OSBPL10: variants seen among roughly 807,000 people sequenced by gnomAD.
The protein encoded by OSBPL10 is oxysterol binding protein like 10, also known as oxysterol-binding protein-related protein 10.
A neutral mutation model predicts 81.7 loss-of-function variants in OSBPL10; 49 were observed. That is an observed-to-expected ratio of 0.60 (90% CI 0.48 to 0.76). OSBPL10 has a LOEUF of 0.76. Ranked by LOEUF, OSBPL10 falls within the 30% of genes least tolerant of loss-of-function variation. OSBPL10 has a pLI of 0.00. For missense variants in OSBPL10, 923 were observed against 987.8 expected (o/e 0.93, Z 0.88); for synonymous variants, 419 against 383.6 (o/e 1.09, Z -1.08).
chr3:32,011,565 C>T (rs1014029214), intron 2 of OSBPL10, among the ~76,000 whole-genome samples: 2 of 152,198 alleles, frequency 1.3e-5, no homozygotes, highest in Non-Finnish European at 2.9e-5. Flanking sequence ...CAGCTCCTCA[C>T]CAGCAATGGA....
chr3:31,960,735 C>T (rs1177607144), intron 1 of OSBPL10, among the ~76,000 whole-genome samples: 1 of 152,146 alleles, frequency 6.6e-6, no homozygotes, highest in African/African-American at 2.4e-5. Context: ...AGAGACTGTG[C>T]AACCCACTTC....
At chr3:31,733,838 A>T (rs1450021774) in intron 5 of OSBPL10, among the ~76,000 whole-genome samples, 1 of 151,618 alleles carries the variant, frequency 6.6e-6, no homozygotes, top group Non-Finnish European at 1.5e-5. Context: ...GTGAAACTCC[A>T]TCTCTACTAA....
intron 7 of OSBPL10, among the ~76,000 whole-genome samples, chr3:31,692,562 T>A (rs1205951007): frequency 6.8e-6 from 1 of 146,542 alleles, no homozygotes; most frequent in African/African-American, 2.7e-5. Flanking sequence ...CTGTAAACAA[T>A]CAGTCACCTG....
At chr3:31,918,282 GA>G (rs1261845687) in intron 1 of OSBPL10, among the ~76,000 whole-genome samples, 1 of 150,758 alleles carries the variant, frequency 6.6e-6, no homozygotes, top group Non-Finnish European at 1.5e-5. Context: ...CCCTGAAAGT[GA>G]AACAAAAACA....
intron 2 of OSBPL10, chr3:32,030,454 A>G (rs902532403): frequency 1.5e-6 from 1 of 686,178 alleles, no homozygotes; most frequent in African/African-American, 1.8e-5. Context: ...GATTCTTGCC[A>G]AGAGAATTAA....
Position 31,927,977 on chromosome 3 carries a change from G to T in OSBPL10, c.282-48147C>A, listed in dbSNP as rs1212416008. ...AGGTAAGGAGTAAGAAATAAAAAAG[G>T]CCCGAAAAGGATAGGTTGCATGGAG... On this transcript the variant is annotated intron_variant, in intron 1 of 11. Coordinates refer to ENST00000396556, the MANE Select transcript of OSBPL10 (RefSeq NM_017784.5). 2.6e-5 allele frequency among the ~76,000 whole-genome samples: 4 copies of T among 152,124 alleles called. No individual in the cohort carries two copies. In the East Asian group the frequency reaches 7.7e-4, roughly 29 times the overall value.
intron 5 of OSBPL10, among the ~76,000 whole-genome samples, chr3:31,734,333 A>G (rs1414477825): frequency 1.3e-5 from 2 of 152,158 alleles, no homozygotes; most frequent in East Asian, 3.9e-4. Context: ...CTTTTACTCT[A>G]ATTTTTTTTA....
At chr3:31,844,591 T>TA (rs1216677219) in intron 3 of OSBPL10, among the ~76,000 whole-genome samples, 1 of 152,172 alleles carries the variant, frequency 6.6e-6, no homozygotes. Context: ...ATAATCAGAA[T>TA]AGTAAATCCA....
intron 6 of OSBPL10, among the ~76,000 whole-genome samples, chr3:31,716,116 A>C (rs1341188623): frequency 6.6e-6 from 1 of 152,166 alleles, no homozygotes; most frequent in Non-Finnish European, 1.5e-5. Context: ...GAATAGAAAT[A>C]CAAGTCTAGG....
chr3:31,717,690 CA>C (rs1696488873), intron 6 of OSBPL10, among the ~76,000 whole-genome samples: 1 of 152,172 alleles, frequency 6.6e-6, no homozygotes, highest in South Asian at 2.1e-4. Context: ...CACAGTGACA[CA>C]GGATATTAAA....
intron 8 of OSBPL10, among the ~76,000 whole-genome samples, chr3:31,681,517 C>T (rs1700641120): frequency 6.6e-6 from 1 of 152,218 alleles, no homozygotes; most frequent in Non-Finnish European, 1.5e-5. Flanking sequence ...ACTCCACTGA[C>T]AACTGCTGTC....
At chr3:31,824,098 G>A (rs542466326) in intron 4 of OSBPL10, among the ~76,000 whole-genome samples, 25 of 152,218 alleles carry the variant, frequency 1.6e-4, no homozygotes, top group African/African-American at 4.8e-4. Flanking sequence ...GAGCTCAGGC[G>A]ATCCTCTCAT....
intron 1 of OSBPL10, among the ~76,000 whole-genome samples, chr3:32,055,191 C>CTTTTTTTTTT (rs139735770): frequency 1.0e-4 from 6 of 58,246 alleles, no homozygotes; most frequent in Non-Finnish European, 1.1e-4. Flanking sequence ...CTATTTATAG[C>CTTTTTTTTTT]TTTTTTTTTT....
At chr3:32,047,038 C>T (rs13100534) in intron 1 of OSBPL10, among the ~76,000 whole-genome samples, 109,675 of 152,088 alleles carry the variant, frequency 0.72, 41,076 homozygotes, top group East Asian at 0.91. Flanking sequence ...GTCTTATTGT[C>T]ACCCAGGCTG....
chr3:31,871,227 C>T (rs895860017), intron 3 of OSBPL10, among the ~76,000 whole-genome samples: 1 of 152,136 alleles, frequency 6.6e-6, no homozygotes, highest in Admixed American at 6.5e-5. Flanking sequence ...TAACACTCAC[C>T]CCTAAGATCT....
chr3:31,702,753 C>T (rs533185003), intron 6 of OSBPL10, among the ~76,000 whole-genome samples: 1 of 152,258 alleles, frequency 6.6e-6, no homozygotes, highest in African/African-American at 2.4e-5. Flanking sequence ...TAAGGACTTC[C>T]CCTGACAAAA....
At chr3:32,015,291 A>G (rs1485492659) in intron 2 of OSBPL10, among the ~76,000 whole-genome samples, 1 of 152,152 alleles carries the variant, frequency 6.6e-6, no homozygotes, top group Non-Finnish European at 1.5e-5. Context: ...AAATAATGCC[A>G]CATATCTACA....
chr3:31,764,989 A>T (rs1698152770), intron 4 of OSBPL10, among the ~76,000 whole-genome samples: 1 of 152,012 alleles, frequency 6.6e-6, no homozygotes, highest in South Asian at 2.1e-4. Flanking sequence ...TCCATAAAAC[A>T]CATCATGGTT....
intron 1 of OSBPL10, among the ~76,000 whole-genome samples, chr3:31,904,118 G>A (rs923463453): frequency 3.3e-5 from 5 of 152,076 alleles, no homozygotes; most frequent in African/African-American, 7.2e-5. Flanking sequence ...TGCCTCTTCC[G>A]GCCACTCTGG....
Sources: gnomAD v4.1 joint callset for allele counts (sites outside exome capture counted in the v4.1 genomes callset) on GRCh38, gnomAD v4.1.1 for gene constraint, MANE v1.5 for transcripts, NCBI Gene and HGNC (gene_info 2026-07-23, HGNC 2026-07-21) for gene names.